Variants in CAPZA2 observed in about 807,000 individuals in gnomAD.
The protein encoded by CAPZA2 is F-actin-capping protein subunit alpha-2.
CAPZA2 carries 13 observed loss-of-function variants against 44.0 expected under a neutral mutation model. That is an observed-to-expected ratio of 0.30 (90% CI 0.19 to 0.47). The LOEUF (loss-of-function observed/expected upper bound fraction) is 0.47, where lower values mean the gene tolerates loss of function less well. Ranked by LOEUF, CAPZA2 falls within the 20% of genes least tolerant of loss-of-function variation. The pLI is 1.00. For missense variants in CAPZA2, 244 were observed against 338.6 expected (o/e 0.72, Z 2.19); for synonymous variants, 94 against 108.2 (o/e 0.87, Z 0.81).
intron 4 of CAPZA2, among the ~76,000 whole-genome samples, chr7:116,900,738 G>T (rs570097374): frequency 6.6e-6 from 1 of 152,194 alleles, no homozygotes; most frequent in South Asian, 2.1e-4. Flanking sequence ...ACAACCTACA[G>T]AATGGGAGAC....
At chr7:116,899,115 C>T (rs557127843) in intron 4 of CAPZA2, among the ~76,000 whole-genome samples, 15 of 151,814 alleles carry the variant, frequency 9.9e-5, no homozygotes, top group Admixed American at 3.3e-4. Flanking sequence ...AAAATCAATC[C>T]CATATTAATC....
chr7:116,865,394 C>G (rs1796471245), intron 1 of CAPZA2, among the ~76,000 whole-genome samples: 1 of 151,900 alleles, frequency 6.6e-6, no homozygotes, highest in African/African-American at 2.4e-5. Context: ...CTATGTTGCC[C>G]AGGCTGGTCT....
At chr7:116,910,451 T>G in intron 7 of CAPZA2, 140 bp downstream of exon 7, 1 of 597,702 alleles carries the variant, frequency 1.7e-6, no homozygotes, top group Non-Finnish European at 3.0e-6. Context: ...AAAACAATAG[T>G]GCTGTTTTAA....
At chr7:116,896,905 T>C (rs1307318527) in intron 3 of CAPZA2, among the ~76,000 whole-genome samples, 3 of 152,168 alleles carry the variant, frequency 2.0e-5, no homozygotes, top group Non-Finnish European at 4.4e-5. Flanking sequence ...TGAGGTGGCC[T>C]GTACTGGTTA....
chr7:116,903,310 A>G (rs1376328370), intron 4 of CAPZA2, among the ~76,000 whole-genome samples: 3 of 151,768 alleles, frequency 2.0e-5, no homozygotes, highest in Non-Finnish European at 4.4e-5. Context: ...CTTATAAAAT[A>G]ATGACCAGTC....
Position 116,918,103 on chromosome 7 carries a change from T to G in CAPZA2, c.*236T>G, listed in dbSNP as rs79368474. 232 of 364,838 alleles carry G rather than the reference T, an allele frequency of 6.4e-4. 5 individuals carry two copies. The East Asian group carries it at 9.2e-3, about 14-fold the overall frequency. 22.6% of individuals were successfully genotyped at this position (364,838 alleles called of 1,614,324 possible). On this transcript the variant is annotated 3_prime_UTR_variant, in exon 10 of 10. Coordinates refer to ENST00000361183, the MANE Select transcript of CAPZA2 (RefSeq NM_006136.3). ...AAATGTCTTTCTGTTAGGCCTTTCT[T>G]TCTTACAATGAAGAGATGATTCTTC...
intron 1 of CAPZA2, among the ~76,000 whole-genome samples, chr7:116,871,197 A>G (rs1301476754): frequency 6.6e-6 from 1 of 152,196 alleles, no homozygotes; most frequent in Non-Finnish European, 1.5e-5. Context: ...AAGTGGAGAG[A>G]GACCTAAAGG....
chr7:116,871,414 A>C (rs929482090), intron 1 of CAPZA2, among the ~76,000 whole-genome samples: 1 of 152,236 alleles, frequency 6.6e-6, no homozygotes, highest in Non-Finnish European at 1.5e-5. Context: ...GGACTTTAAC[A>C]TGTATTCTCT....
At chr7:116,894,375 A>G (rs1796897777) in intron 3 of CAPZA2, among the ~76,000 whole-genome samples, 2 of 152,192 alleles carry the variant, frequency 1.3e-5, no homozygotes, top group East Asian at 1.9e-4. Flanking sequence ...AAAAAAAAAA[A>G]AAAATCTGAC....
At chr7:116,907,135 AG>A (rs145903970) in intron 6 of CAPZA2, among the ~76,000 whole-genome samples, 3,349 of 152,314 alleles carry the variant, frequency 0.022, 125 homozygotes, top group African/African-American at 0.076. Flanking sequence ...TTAAGGGTAA[AG>A]TAACAGGTAA....
Position 116,877,267 on chromosome 7 carries a change from T to G in CAPZA2, c.40-10860T>G, listed in dbSNP as rs142225421. 2.4e-3 allele frequency among the ~76,000 whole-genome samples: 365 copies of G among 152,376 alleles called. 2 individuals carry two copies. Among genetic ancestry groups the G allele is most frequent in the Non-Finnish European group, 3.2e-3 (217 of 68,034 alleles). ...AAATAATATACCAAGAAGTTTTTAA[T>G]AGTATAATTTGATCTTAGAGTTTTC... On this transcript the variant is annotated intron_variant, in intron 1 of 9. Transcript: ENST00000361183.
At chr7:116,901,881 A>ATGG (rs1796999448) in intron 4 of CAPZA2, among the ~76,000 whole-genome samples, 1 of 140,820 alleles carries the variant, frequency 7.1e-6, no homozygotes, top group African/African-American at 2.6e-5. Flanking sequence ...TAACGAAGAA[A>ATGG]TGTGTGTGTG....
At chr7:116,885,190 C>T (rs1796747044) in intron 1 of CAPZA2, among the ~76,000 whole-genome samples, 1 of 151,796 alleles carries the variant, frequency 6.6e-6, no homozygotes, top group Admixed American at 6.6e-5. Flanking sequence ...TCTTTTCATT[C>T]TCTTAACAGA....
intron 1 of CAPZA2, among the ~76,000 whole-genome samples, chr7:116,867,679 G>A (rs1796499378): frequency 6.6e-6 from 1 of 150,590 alleles, no homozygotes; most frequent in African/African-American, 2.4e-5. Context: ...TGTCTCCCAG[G>A]CCCAAGCAAT....
intron 8 of CAPZA2, among the ~76,000 whole-genome samples, chr7:116,913,666 G>A (rs1425507439): frequency 6.6e-6 from 1 of 151,852 alleles, no homozygotes; most frequent in African/African-American, 2.4e-5. Flanking sequence ...AGGCTGGCAT[G>A]ATCTCAGCTC....
At chr7:116,906,621 C>A in intron 6 of CAPZA2, 1 of 311,104 alleles carries the variant, frequency 3.2e-6, no homozygotes, top group Non-Finnish European at 5.7e-6. Context: ...AGTTGGCAAT[C>A]CATATGCTCA....
At chr7:116,866,579 T>C (rs1796486967) in intron 1 of CAPZA2, among the ~76,000 whole-genome samples, 1 of 152,214 alleles carries the variant, frequency 6.6e-6, no homozygotes, top group South Asian at 2.1e-4. Context: ...AATTTGAAAT[T>C]GTATGAAATT....
chr7:116,883,015 G>A (rs999257075), intron 1 of CAPZA2, among the ~76,000 whole-genome samples: 3 of 152,080 alleles, frequency 2.0e-5, no homozygotes, highest in Non-Finnish European at 4.4e-5. Context: ...TAACTCTTTC[G>A]TGATTTTGAC....
At chr7:116,908,958 T>A (rs923982469) in intron 6 of CAPZA2, among the ~76,000 whole-genome samples, 4 of 152,152 alleles carry the variant, frequency 2.6e-5, no homozygotes, top group African/African-American at 9.7e-5. Flanking sequence ...TGAATATCTC[T>A]TATCCAAAAT....
Sources: gnomAD v4.1 joint callset for allele counts (sites outside exome capture counted in the v4.1 genomes callset) on GRCh38, gnomAD v4.1.1 for gene constraint, MANE v1.5 for transcripts, NCBI Gene and HGNC (gene_info 2026-07-23, HGNC 2026-07-21) for gene names.